The following ANAPC10 variants were observed in gnomAD, a reference collection of about 807,000 sequenced individuals.
The protein encoded by ANAPC10 is anaphase promoting complex subunit 10.
Under a neutral mutation model 22.0 loss-of-function variants are expected in ANAPC10, and 12 were observed. The ratio of observed to expected loss-of-function variants is 0.55; its 90% confidence interval spans 0.35 to 0.88. The LOEUF is 0.88. ANAPC10 is among the 40% of genes least tolerant of loss of function. ANAPC10 has a pLI of 0.01. For missense variants in ANAPC10, 188 were observed against 220.9 expected (o/e 0.85, Z 0.94); for synonymous variants, 65 against 69.5 (o/e 0.94, Z 0.32).
At position 144,995,654 on chromosome 4, in the gene ANAPC10, T is replaced by C. The variant is rs371393537; in HGVS notation, c.328-51A>G. On this transcript the variant is annotated intron_variant, in intron 4 of 4. Transcript: ENST00000507656. ...ATGCTTTTATTCAACAAATATAATT[T>C]ATAACAATGAATGCATTCTATAATA... The C allele has an allele frequency of 3.5e-5, 44 of 1,257,858 alleles. 1 individual carries two copies. The highest frequency in any genetic ancestry group is 4.0e-5 in the Non-Finnish European group (36 of 890,068). 77.9% of individuals were successfully genotyped at this position (1,257,858 alleles called of 1,614,324 possible). A position where few individuals can be genotyped will look rare whatever the true frequency, so the allele number is the denominator to read the frequency against.
chr4:145,006,580 T>C lies in ANAPC10; in HGVS notation c.328-10977A>G, dbSNP rs116773741. ...ATGCTAGCTAACCTTTATTTCTCCA[T>C]CTATTAGGATGAATCATATCAAATT... On this transcript the variant is annotated intron_variant, in intron 4 of 4. Coordinates refer to ENST00000507656, the MANE Select transcript of ANAPC10 (RefSeq NM_001256706.2). Among the ~76,000 whole-genome samples, 1,189 of 152,264 alleles carry C rather than the reference T, an allele frequency of 7.8e-3. 18 individuals are homozygous for C. The highest frequency in any genetic ancestry group is 0.026 in the African/African-American group (1,097 of 41,578).
At chr4:145,024,429 T>C in intron 4 of ANAPC10, among the ~76,000 whole-genome samples, 1 of 152,316 alleles carries the variant, frequency 6.6e-6, no homozygotes, top group Admixed American at 6.5e-5. Context: ...ATGTATATCT[T>C]AAATAATAAG....
intron 3 of ANAPC10, among the ~76,000 whole-genome samples, chr4:145,080,136 A>C (rs975397347): frequency 6.6e-6 from 1 of 150,886 alleles, no homozygotes; most frequent in Non-Finnish European, 1.5e-5. Flanking sequence ...AAAAAAAAAA[A>C]AACACACATT....
At chr4:145,033,695 C>A (rs1363438934) in intron 4 of ANAPC10, among the ~76,000 whole-genome samples, 1 of 152,136 alleles carries the variant, frequency 6.6e-6, no homozygotes, top group African/African-American at 2.4e-5. Context: ...TTGGGTCACT[C>A]CACCAGGAAA....
In ANAPC10 at chr4:144,994,614, AT is replaced by A. The variant is rs1731359593; in HGVS notation, c.*758del. ...TTTTAATATATATAAAAAATTTCAC[AT>A]ACTTTTACGATTTTATGGGATATAT... is the stretch of plus-strand genomic sequence containing the variant. On this transcript the variant is annotated 3_prime_UTR_variant, in exon 5 of 5. Coordinates refer to ENST00000507656, the MANE Select transcript of ANAPC10 (RefSeq NM_001256706.2). 1 of 152,120 alleles carries A rather than the reference AT, an allele frequency of 6.6e-6. No homozygotes were observed. The highest frequency in any genetic ancestry group is 1.5e-5 in the Non-Finnish European group (1 of 67,972). The allele number at this position is 152,120 out of a possible 1,614,324, so 9.4% of individuals were successfully genotyped here. A position where few individuals can be genotyped will look rare whatever the true frequency, so the allele number is the denominator to read the frequency against.
chr4:144,996,585 C>T (rs1731646610), intron 4 of ANAPC10, among the ~76,000 whole-genome samples: 1 of 152,130 alleles, frequency 6.6e-6, no homozygotes, highest in South Asian at 2.1e-4. Context: ...CTCTCTAGTT[C>T]CATCATCAAA....
At chr4:145,075,962 C>T (rs909384990) in intron 3 of ANAPC10, among the ~76,000 whole-genome samples, 2 of 152,110 alleles carry the variant, frequency 1.3e-5, no homozygotes, top group Non-Finnish European at 2.9e-5. Flanking sequence ...GGATGGGGGC[C>T]AGTCTGATCT....
chr4:144,999,741 C>T (rs1474494025), intron 4 of ANAPC10, among the ~76,000 whole-genome samples: 1 of 152,152 alleles, frequency 6.6e-6, no homozygotes, highest in African/African-American at 2.4e-5. Context: ...GCCCGCATTG[C>T]CAAGACAATC....
At position 145,038,688 on chromosome 4, in the gene ANAPC10, G is replaced by A. The variant is rs561810381; in HGVS notation, c.327+25884C>T. Reference sequence around the variant, plus strand: ...ATAGTAAAAATTAGCTGGGTGTGGTGGTGAATGCCTGTAATCTCAGCTACT... The same window carrying A: ...ATAGTAAAAATTAGCTGGGTGTGGTAGTGAATGCCTGTAATCTCAGCTACT... On this transcript the variant is annotated intron_variant, in intron 4 of 4. Transcript: ENST00000507656. 4.2e-3 allele frequency among the ~76,000 whole-genome samples: 634 copies of A among 151,866 alleles called. 3 individuals carry two copies. Among genetic ancestry groups the A allele is most frequent in the African/African-American group, 0.014 (595 of 41,412 alleles).
chr4:145,012,379 C>T (rs189370102), intron 4 of ANAPC10, among the ~76,000 whole-genome samples: 31 of 151,648 alleles, frequency 2.0e-4, no homozygotes, highest in African/African-American at 7.3e-4. Context: ...CAGTGTCTGA[C>T]AATCAGAAAT....
chr4:145,017,284 AC>A (rs1166168554), intron 4 of ANAPC10, among the ~76,000 whole-genome samples: 2 of 152,214 alleles, frequency 1.3e-5, no homozygotes, highest in African/African-American at 4.8e-5. Flanking sequence ...AGAAAAAAAA[AC>A]AACCCCATCA....
At chr4:145,002,059 C>A (rs2126861126) in intron 4 of ANAPC10, among the ~76,000 whole-genome samples, 1 of 152,254 alleles carries the variant, frequency 6.6e-6, no homozygotes, top group Non-Finnish European at 1.5e-5. Context: ...GCTCTTTTCT[C>A]CCTACTCTCA....
intron 2 of ANAPC10, among the ~76,000 whole-genome samples, chr4:145,089,447 A>C (rs184617255): frequency 2.2e-4 from 34 of 152,306 alleles, no homozygotes; most frequent in African/African-American, 8.2e-4. Context: ...TTGTTTTTCA[A>C]CATTGGATTA....
rs566917197 is a variant in ANAPC10, at chr4:145,083,992, A to G, written c.116-2242T>C. Among the ~76,000 whole-genome samples the G allele has an allele frequency of 2.3e-3, 351 of 150,774 alleles. 4 individuals are homozygous for G. Among genetic ancestry groups the G allele is most frequent in the African/African-American group, 6.1e-3 (251 of 41,022 alleles). Reference sequence around the variant, plus strand: ...GATCTTTTTTTTTTTTCTTTTTGAGACAGGGTCTTGCTCTGACACACAGGC... The same window carrying G: ...GATCTTTTTTTTTTTTCTTTTTGAGGCAGGGTCTTGCTCTGACACACAGGC... On this transcript the variant is annotated intron_variant, in intron 2 of 4. Coordinates refer to ENST00000507656, the MANE Select transcript of ANAPC10 (RefSeq NM_001256706.2).
intron 4 of ANAPC10, among the ~76,000 whole-genome samples, chr4:145,016,637 A>T (rs1735201761): frequency 6.6e-6 from 1 of 152,326 alleles, no homozygotes; most frequent in South Asian, 2.1e-4. Flanking sequence ...GTTCATATGG[A>T]ACCAAAAGGG....
At chr4:145,020,120 A>C (rs1735762234) in intron 4 of ANAPC10, among the ~76,000 whole-genome samples, 1 of 152,114 alleles carries the variant, frequency 6.6e-6, no homozygotes, top group Non-Finnish European at 1.5e-5. Flanking sequence ...AAACCAGGAA[A>C]GGACATAACC....
chr4:145,043,632 A>T (rs944246033), intron 4 of ANAPC10, among the ~76,000 whole-genome samples: 3 of 152,096 alleles, frequency 2.0e-5, no homozygotes, highest in Non-Finnish European at 4.4e-5. Context: ...TTCCATTATA[A>T]ATCTTTTTTT....
chr4:145,082,836 C>T (rs1209428709), intron 2 of ANAPC10, among the ~76,000 whole-genome samples: 1 of 152,062 alleles, frequency 6.6e-6, no homozygotes, highest in Non-Finnish European at 1.5e-5. Flanking sequence ...ATAAGTTTAA[C>T]TTACATTTCA....
Position 145,096,079 on chromosome 4 carries a change from T to C in ANAPC10, c.21A>G (p.Thr7=), listed in dbSNP as rs776331064. Residue 7 remains threonine (T), a synonymous_variant, in exon 2 of 5, where the codon ACA becomes ACG. Transcript: ENST00000507656. The stretch of plus-strand genomic sequence containing the variant: ...ACTGCTTGGGGTCAGCACCAGGAGG[T>C]GTCTTGTTTGGTGTAGTCATTTTTA... The part of the protein sequence containing the change: MTTPNK[T]PPGADPKQLE... The C allele has an allele frequency of 3.1e-6, 5 of 1,613,974 alleles. No homozygotes were observed. The African/African-American group carries it at 5.3e-5, about 17-fold the overall frequency.
Sources: gnomAD v4.1 joint callset for allele counts (sites outside exome capture counted in the v4.1 genomes callset) on GRCh38, gnomAD v4.1.1 for gene constraint, MANE v1.5 for transcripts, NCBI Gene and HGNC (gene_info 2026-07-23, HGNC 2026-07-21) for gene names.